The following TMEM87B variants were observed in gnomAD, a reference collection of about 807,000 sequenced individuals.
The protein encoded by TMEM87B is transmembrane protein 87B.
A neutral mutation model predicts 80.3 loss-of-function variants in TMEM87B; 83 were observed. The observed-to-expected ratio is 1.03, with a 90% CI of 0.87 to 1.24. The LOEUF is 1.24. Among genes scored for constraint, TMEM87B ranks in the 50% most tolerant of loss-of-function variants. TMEM87B has a pLI of 0.00. For missense variants in TMEM87B, 625 were observed against 674.4 expected (o/e 0.93, Z 0.81); for synonymous variants, 219 against 230.5 (o/e 0.95, Z 0.45).
rs758907556 is a variant in TMEM87B at position 112,089,714 on chromosome 2, T to C, written c.1028T>C (p.Ile343Thr). The change falls in exon 10 of 19, where the codon ATT (isoleucine) becomes ACT (threonine). Residue 343 changes from isoleucine to threonine, a missense_variant. Physicochemically the swap from Ile to Thr is moderately conservative, Grantham distance 89 (BLOSUM62 -1). Transcript: ENST00000283206. The stretch of plus-strand genomic sequence containing the variant: ...GCTGTTGAAGGCGTGATGAGAGTCA[T>C]TGGGGTAAAAACTACATTATTCTAC... Reference protein sequence around the residue: ...FAAVEGVMRVIGGSNHLAVVL... With the variant: ...FAAVEGVMRVTGGSNHLAVVL... The C allele has an allele frequency of 8.7e-6, 14 of 1,613,946 alleles. No individual in the cohort carries two copies. The highest frequency in any genetic ancestry group is 4.5e-5 in the East Asian group (2 of 44,900).
At chr2:112,097,711 T>C (rs1679511405) in intron 13 of TMEM87B, among the ~76,000 whole-genome samples, 1 of 40,396 alleles carries the variant, frequency 2.5e-5, no homozygotes, top group Admixed American at 3.9e-4. Flanking sequence ...AGACTCCATC[T>C]CAAAAAAAAA....
rs1334693439 is a variant in TMEM87B, at chr2:112,119,247, A to T, written c.*3104A>T. 1.3e-5 allele frequency: 2 copies of T among 152,198 alleles called. No individual in the cohort carries two copies. Among genetic ancestry groups the T allele is most frequent in the African/African-American group, 4.8e-5 (2 of 41,468 alleles). 9.4% of individuals were successfully genotyped at this position (152,198 alleles called of 1,614,324 possible). A position where few individuals can be genotyped will look rare whatever the true frequency, so the allele number is the denominator to read the frequency against. On this transcript the variant is annotated 3_prime_UTR_variant, in exon 19 of 19. Transcript: ENST00000283206. ...GGACATAACCGTTTGAAGGGTTTTC[A>T]TTTGAAAAATTGATGTATTTTGTGC... is the stretch of plus-strand genomic sequence containing the variant.
chr2:112,079,363 T>A (rs1678918801), intron 6 of TMEM87B, among the ~76,000 whole-genome samples: 1 of 152,194 alleles, frequency 6.6e-6, no homozygotes, highest in South Asian at 2.1e-4. Context: ...AAATGTGCAG[T>A]ATTTGTCTTT....
Position 112,097,133 on chromosome 2 carries a change from T to C in TMEM87B, c.1194T>C (p.Thr398=). 1 of 1,608,322 alleles carries C rather than the reference T, an allele frequency of 6.2e-7. No homozygotes were observed. The highest frequency in any genetic ancestry group is 8.5e-7 in the Non-Finnish European group (1 of 1,177,794). ...CATTATATAGACATTTTAAAAATACTCTGATCTTTGCTGTGCTGGGTAAGC... is the reference window on the plus strand; with the variant it reads ...CATTATATAGACATTTTAAAAATACCCTGATCTTTGCTGTGCTGGGTAAGC... The part of the protein sequence containing the change: ...KFSLYRHFKN[T]LIFAVLASIV... The change falls in exon 12 of 19, where the codon ACT becomes ACC. Residue 398 remains threonine (T), a synonymous_variant. Coordinates refer to ENST00000283206, the MANE Select transcript of TMEM87B (RefSeq NM_032824.3).
At chr2:112,113,102 C>T (rs1052631299) in intron 18 of TMEM87B, among the ~76,000 whole-genome samples, 173 bp downstream of exon 18, 14 of 145,632 alleles carry the variant, frequency 9.6e-5, no homozygotes, top group Non-Finnish European at 1.8e-4. Context: ...ATAAAGTCCC[C>T]ATTTCAAACA....
At chr2:112,060,693 C>T (rs1396134125) in intron 2 of TMEM87B, among the ~76,000 whole-genome samples, 3 of 151,872 alleles carry the variant, frequency 2.0e-5, no homozygotes, top group South Asian at 2.1e-4. Flanking sequence ...AACGCCACCA[C>T]GCCCAGCTAA....
rs750780158 is a variant in TMEM87B at position 112,074,916 on chromosome 2, A to C, written c.455A>C (p.Lys152Thr). ...DSQVFPSLNN[K>T]ELINIRNVSN... ...ATTATTTACTCTTTTTTCCAGAATA[A>C]AGAACTAATAAATATCAGAAATGTT... The change falls in exon 5 of 19, where the codon AAA becomes ACA. Residue 152 changes from lysine (K) to threonine (T), a missense_variant. Lys to Thr is a moderately conservative substitution (Grantham distance 78, BLOSUM62 -1). Transcript: ENST00000283206. 6.3e-7 allele frequency: 1 copy of C among 1,575,636 alleles called. No homozygotes were observed.
At chr2:112,098,770 A>G in intron 14 of TMEM87B, 72 bp downstream of exon 14, 1 of 1,426,306 alleles carries the variant, frequency 7.0e-7, no homozygotes, top group Non-Finnish European at 9.8e-7. Flanking sequence ...GAACACGTTT[A>G]TAGAAACCAG....
At chr2:112,105,934 A>T (rs1679752993) in intron 15 of TMEM87B, 68 bp from the exon 16 acceptor site, 1 of 1,130,658 alleles carries the variant, frequency 8.8e-7, no homozygotes, top group Non-Finnish European at 1.2e-6. Flanking sequence ...TTCTTATCAG[A>T]TTATTAAATT....
At chr2:112,092,947 T>C (rs1374198426) in intron 11 of TMEM87B, among the ~76,000 whole-genome samples, 2 of 152,266 alleles carry the variant, frequency 1.3e-5, no homozygotes, top group African/African-American at 4.8e-5. Context: ...AGTGCTTTCC[T>C]GTTAGATAGG....
intron 14 of TMEM87B, 66 bp from the exon 15 acceptor site, chr2:112,100,556 A>G (rs1679601286): frequency 1.2e-5 from 12 of 983,024 alleles, no homozygotes; most frequent in Admixed American, 4.9e-5. Context: ...AATGGCTTTT[A>G]GATATAAACT....
intron 4 of TMEM87B, among the ~76,000 whole-genome samples, chr2:112,069,026 A>G (rs1372088137): frequency 6.6e-6 from 1 of 150,632 alleles, no homozygotes; most frequent in East Asian, 2.0e-4. Context: ...CCCCGTCTCT[A>G]CTAAAAATAC....
At chr2:112,078,162 A>G (rs1678878398) in intron 6 of TMEM87B, among the ~76,000 whole-genome samples, 1 of 152,200 alleles carries the variant, frequency 6.6e-6, no homozygotes, top group African/African-American at 2.4e-5. Flanking sequence ...TAGAGGGAGC[A>G]GGGACCCTGA....
At chr2:112,072,932 T>TTCTG (rs1678699308) in intron 4 of TMEM87B, among the ~76,000 whole-genome samples, 1 of 139,460 alleles carries the variant, frequency 7.2e-6, no homozygotes, top group Non-Finnish European at 1.5e-5. Context: ...CAGAGTCTCA[T>TTCTG]TCTGTTGCCC....
At chr2:112,100,551 C>T in intron 14 of TMEM87B, 71 bp from the exon 15 acceptor site, 3 of 938,980 alleles carry the variant, frequency 3.2e-6, no homozygotes, top group Non-Finnish European at 4.9e-6. Context: ...TATACAATGG[C>T]TTTTAGATAT....
chr2:112,086,517 G>A (rs540939385), intron 9 of TMEM87B, among the ~76,000 whole-genome samples: 1 of 152,346 alleles, frequency 6.6e-6, no homozygotes, highest in South Asian at 2.1e-4. Flanking sequence ...CAAGGACTCT[G>A]CTTCTGGACC....
At chr2:112,077,153 G>T in intron 5 of TMEM87B, 39 bp from the exon 6 acceptor site, 1 of 1,169,854 alleles carries the variant, frequency 8.5e-7, no homozygotes, top group East Asian at 2.5e-5. Context: ...ATAGCAATTT[G>T]TTAAAAATAA....
intron 15 of TMEM87B, among the ~76,000 whole-genome samples, chr2:112,103,151 T>C (rs1679678770): frequency 6.6e-6 from 1 of 152,230 alleles, no homozygotes; most frequent in African/African-American, 2.4e-5. Flanking sequence ...TCAGTTGTTT[T>C]TCTACATATT....
rs1456355600 is a variant in TMEM87B, at chr2:112,119,093, A to ATGAAGAGAC, written c.*2952_*2960dup. On this transcript the variant is annotated 3_prime_UTR_variant, in exon 19 of 19. Transcript: ENST00000283206. ...TTATAATATTGGAGCTCAGTACTGC[A>ATGAAGAGAC]TGAAGAGACTTCATTAAAACTAAGA... 1 of 152,222 alleles carries ATGAAGAGAC rather than the reference A, an allele frequency of 6.6e-6. No homozygotes were observed. The highest frequency in any genetic ancestry group is 2.4e-5 in the African/African-American group (1 of 41,478). 9.4% of individuals were successfully genotyped at this position (152,222 alleles called of 1,614,324 possible). A position where few individuals can be genotyped will look rare whatever the true frequency, so the allele number is the denominator to read the frequency against.
Sources: gnomAD v4.1 joint callset for allele counts (sites outside exome capture counted in the v4.1 genomes callset) on GRCh38, gnomAD v4.1.1 for gene constraint, MANE v1.5 for transcripts, NCBI Gene and HGNC (gene_info 2026-07-23, HGNC 2026-07-21) for gene names.